The following DSCAM variants were observed in gnomAD, a reference collection of about 807,000 sequenced individuals.
DSCAM encodes the protein cell adhesion molecule DSCAM.
DSCAM carries 47 observed loss-of-function variants against 217.7 expected under a neutral mutation model. The observed-to-expected ratio is 0.22, with a 90% confidence interval of 0.17 to 0.28. DSCAM has a LOEUF of 0.28. Ranked by LOEUF, DSCAM falls within the 10% of genes least tolerant of loss-of-function variation. The probability of loss-of-function intolerance (pLI) is 1.00; values close to 1 mark genes in which losing one functional copy is unlikely to be tolerated. For missense variants in DSCAM, 2,080 were observed against 2,618.3 expected (o/e 0.79, Z 4.49); for synonymous variants, 1,056 against 1,015.3 (o/e 1.04, Z -0.76).
chr21:40,371,810 GT>G (rs980000869), intron 3 of DSCAM, among the ~76,000 whole-genome samples: 5 of 152,044 alleles, frequency 3.3e-5, no homozygotes, highest in African/African-American at 9.7e-5. Context: ...TAAGCCTAGC[GT>G]TTCATTATTG....
chr21:40,344,317 T>C (rs1028597608), intron 6 of DSCAM, among the ~76,000 whole-genome samples: 3 of 152,364 alleles, frequency 2.0e-5, no homozygotes, highest in Middle Eastern at 3.4e-3. Flanking sequence ...TTTGTTCTTA[T>C]AGATATGTCT....
intron 3 of DSCAM, among the ~76,000 whole-genome samples, chr21:40,528,942 C>T (rs77446120): frequency 0.088 from 10,673 of 121,648 alleles, 545 homozygotes; most frequent in Middle Eastern, 0.21. Context: ...CTCACTCTGT[C>T]GCCCAGGCTG....
intron 3 of DSCAM, among the ~76,000 whole-genome samples, chr21:40,389,383 A>C (rs2123750477): frequency 6.6e-6 from 1 of 152,326 alleles, no homozygotes; most frequent in South Asian, 2.1e-4. Context: ...TGTTCTAAAA[A>C]AGACATCTGA....
chr21:40,456,393 T>C (rs1056306108), intron 3 of DSCAM, among the ~76,000 whole-genome samples: 1 of 152,148 alleles, frequency 6.6e-6, no homozygotes, highest in African/African-American at 2.4e-5. Flanking sequence ...TGGGATAACA[T>C]CTATGAAATT....
intron 3 of DSCAM, among the ~76,000 whole-genome samples, chr21:40,489,469 A>T (rs1232830527): frequency 1.3e-5 from 2 of 152,158 alleles, no homozygotes; most frequent in Non-Finnish European, 2.9e-5. Context: ...TCCTTAAAAT[A>T]AATATCTTCT....
chr21:40,439,249 A>T lies in DSCAM; in HGVS notation c.509-70004T>A, dbSNP rs73217023. On this transcript the variant is annotated intron_variant, in intron 3 of 32. Transcript: ENST00000400454. Reference sequence around the variant, plus strand: ...CAAATAGTACTCAATAAATTAGTTAATATTAGTTCCACAACATATACACAG... The same window carrying T: ...CAAATAGTACTCAATAAATTAGTTATTATTAGTTCCACAACATATACACAG... Among the ~76,000 whole-genome samples, 1,025 of 152,348 alleles carry T rather than the reference A, an allele frequency of 6.7e-3. 4 individuals are homozygous for T. Among genetic ancestry groups the T allele is most frequent in the Middle Eastern group, 0.02 (6 of 294 alleles).
chr21:40,340,276 T>A (rs979616092), intron 6 of DSCAM, among the ~76,000 whole-genome samples: 1 of 152,200 alleles, frequency 6.6e-6, no homozygotes, highest in African/African-American at 2.4e-5. Flanking sequence ...AGGATCTTAA[T>A]CTTAGAGAAG....
chr21:40,750,937 A>T (rs2091221122), intron 1 of DSCAM, among the ~76,000 whole-genome samples: 1 of 152,190 alleles, frequency 6.6e-6, no homozygotes, highest in African/African-American at 2.4e-5. Context: ...CCCTCGCTCC[A>T]GTCCCCATGC....
intron 3 of DSCAM, among the ~76,000 whole-genome samples, chr21:40,566,133 T>C (rs2076762616): frequency 1.3e-5 from 2 of 152,198 alleles, no homozygotes; most frequent in Admixed American, 6.5e-5. Flanking sequence ...CTACATTTCA[T>C]GTTTCAGGGT....
intron 27 of DSCAM, among the ~76,000 whole-genome samples, chr21:40,072,727 T>C (rs1368268185): frequency 1.3e-5 from 2 of 152,184 alleles, no homozygotes. Context: ...CTTTGTGCCA[T>C]GGCAAGCTAC....
chr21:40,102,390 G>A (rs185441901), intron 20 of DSCAM, among the ~76,000 whole-genome samples: 6 of 152,288 alleles, frequency 3.9e-5, no homozygotes, highest in African/African-American at 1.4e-4. Context: ...CATTTCAAGC[G>A]TTTTGTCTTT....
At chr21:40,564,461 G>T (rs187422547) in intron 3 of DSCAM, among the ~76,000 whole-genome samples, 68 of 152,268 alleles carry the variant, frequency 4.5e-4, no homozygotes, top group Non-Finnish European at 8.7e-4. Flanking sequence ...TTTACTCAGC[G>T]TTGACCTCCC....
chr21:40,175,961 C>T (rs1315775521), intron 15 of DSCAM, among the ~76,000 whole-genome samples: 1 of 151,696 alleles, frequency 6.6e-6, no homozygotes, highest in African/African-American at 2.4e-5. Flanking sequence ...AGCACATATG[C>T]CCCCTGATGT....
intron 16 of DSCAM, among the ~76,000 whole-genome samples, chr21:40,151,759 T>C (rs781403412): frequency 1.3e-5 from 2 of 152,128 alleles, no homozygotes; most frequent in Non-Finnish European, 2.9e-5. Context: ...AGCAGTCTAG[T>C]GTGACAGCCG....
At chr21:40,037,495 C>T (rs1448722203) in intron 32 of DSCAM, among the ~76,000 whole-genome samples, 1 of 142,998 alleles carries the variant, frequency 7.0e-6, no homozygotes, top group African/African-American at 2.8e-5. Flanking sequence ...AACTACAAAC[C>T]ACTGCTCAAC....
intron 1 of DSCAM, among the ~76,000 whole-genome samples, chr21:40,768,020 T>C (rs866485206): frequency 6.6e-5 from 10 of 152,172 alleles, no homozygotes; most frequent in Non-Finnish European, 8.8e-5. Flanking sequence ...TCAAGAATAA[T>C]GAATGTGATT....
At chr21:40,758,704 G>A (rs1443866824) in intron 1 of DSCAM, among the ~76,000 whole-genome samples, 2 of 151,982 alleles carry the variant, frequency 1.3e-5, no homozygotes, top group African/African-American at 2.4e-5. Context: ...CGAGGATGAG[G>A]GGGGCAGCTT....
At chr21:40,412,903 G>C (rs992670473) in intron 3 of DSCAM, among the ~76,000 whole-genome samples, 1 of 152,226 alleles carries the variant, frequency 6.6e-6, no homozygotes, top group Non-Finnish European at 1.5e-5. Flanking sequence ...CAAGGTCTCT[G>C]TGTGCAGCCT....
chr21:40,256,160 TAC>T (rs2146968647), intron 11 of DSCAM, among the ~76,000 whole-genome samples: 1 of 152,314 alleles, frequency 6.6e-6, no homozygotes, highest in African/African-American at 2.4e-5. Context: ...CTGAAGCATT[TAC>T]AGAGTGAATT....
Sources: allele counts gnomAD v4.1 joint callset (sites outside exome capture counted in the v4.1 genomes callset), GRCh38; gene constraint gnomAD v4.1.1; transcripts MANE v1.5; gene names NCBI Gene and HGNC (gene_info 2026-07-23, HGNC 2026-07-21).